The following CSMD1 variants were observed in gnomAD, a reference collection of about 807,000 sequenced individuals.
The protein encoded by CSMD1 is CUB and sushi domain-containing protein 1.
Under a neutral mutation model 417.5 loss-of-function variants are expected in CSMD1, and 213 were observed. The observed-to-expected ratio is 0.51, with a 90% CI of 0.46 to 0.57. The LOEUF is 0.57. Ranked by LOEUF, CSMD1 falls within the 20% of genes least tolerant of loss-of-function variation. The probability of loss-of-function intolerance (pLI) is 0.00; values close to 1 mark genes in which losing one functional copy is unlikely to be tolerated. For missense variants in CSMD1, 6,923 were observed against 4,529.7 expected, an observed-to-expected ratio of 1.53 and a Z score of -15.17; for synonymous variants, 2,862 against 1,736.8, an observed-to-expected ratio of 1.65 and a Z score of -16.11.
intron 3 of CSMD1, among the ~76,000 whole-genome samples, chr8:4,395,166 G>C (rs1445069969): frequency 6.6e-6 from 1 of 152,120 alleles, no homozygotes; most frequent in Non-Finnish European, 1.5e-5. Flanking sequence ...CACTCCCTTA[G>C]AACAACCCCT....
chr8:4,626,962 G>C (rs147614388), intron 2 of CSMD1, among the ~76,000 whole-genome samples: 4 of 152,092 alleles, frequency 2.6e-5, no homozygotes, highest in Non-Finnish European at 5.9e-5. Flanking sequence ...AAAGGGATAC[G>C]TAAGTAGGTG....
chr8:4,025,443 A>G (rs543336886), intron 4 of CSMD1, among the ~76,000 whole-genome samples: 2 of 152,238 alleles, frequency 1.3e-5, no homozygotes, highest in Non-Finnish European at 2.9e-5. Context: ...TTATGAATCA[A>G]TAATAAAGTA....
At chr8:3,232,668 C>A (rs76407247) in intron 26 of CSMD1, among the ~76,000 whole-genome samples, 1 of 152,082 alleles carries the variant, frequency 6.6e-6, no homozygotes, top group Non-Finnish European at 1.5e-5. Context: ...CCAGAATTGT[C>A]TTTTAATTGG....
chr8:3,189,760 G>A (rs555250807), intron 34 of CSMD1, among the ~76,000 whole-genome samples, 152 bp downstream of exon 34: 1 of 137,450 alleles, frequency 7.3e-6, no homozygotes, highest in South Asian at 2.2e-4. Flanking sequence ...TTAGGGTTTG[G>A]CTACTAACTC....
At chr8:3,722,835 T>G (rs2623759) in intron 6 of CSMD1, among the ~76,000 whole-genome samples, 146,616 of 152,276 alleles carry the variant, frequency 0.96, 70,820 homozygotes, top group East Asian at 1. Context: ...AAAAATATGT[T>G]TGAGATTCCC....
At chr8:4,884,849 T>A (rs960408342) in intron 1 of CSMD1, among the ~76,000 whole-genome samples, 1 of 151,920 alleles carries the variant, frequency 6.6e-6, no homozygotes, top group Non-Finnish European at 1.5e-5. Context: ...TATTTGGGGT[T>A]CTCTTGAATT....
intron 10 of CSMD1, among the ~76,000 whole-genome samples, chr8:3,529,256 C>A (rs889556173): frequency 1.3e-5 from 2 of 152,184 alleles, no homozygotes; most frequent in Non-Finnish European, 2.9e-5. Flanking sequence ...TATTTCAATG[C>A]AAGTTCTTTT....
intron 3 of CSMD1, among the ~76,000 whole-genome samples, chr8:4,113,874 G>A (rs762662691): frequency 2.6e-5 from 4 of 152,182 alleles, no homozygotes; most frequent in Non-Finnish European, 4.4e-5. Context: ...TATGAAGGCT[G>A]AGAGAGGTAA....
intron 1 of CSMD1, among the ~76,000 whole-genome samples, chr8:4,774,611 G>A (rs542787369): frequency 5.3e-5 from 8 of 152,106 alleles, no homozygotes; most frequent in Non-Finnish European, 1.2e-4. Context: ...CAACTGATGT[G>A]GTTTGGATCC....
At chr8:4,435,763 C>T (rs1342390626) in intron 2 of CSMD1, among the ~76,000 whole-genome samples, 1 of 152,130 alleles carries the variant, frequency 6.6e-6, no homozygotes, top group Non-Finnish European at 1.5e-5. Context: ...ATAAAAAGTA[C>T]CATACCTTTG....
intron 54 of CSMD1, among the ~76,000 whole-genome samples, chr8:2,997,347 A>T (rs955972825): frequency 1.3e-5 from 2 of 152,238 alleles, no homozygotes; most frequent in Admixed American, 6.5e-5. Flanking sequence ...TTATTTGAAG[A>T]TAGCTCCCGT....
chr8:4,518,123 T>C (rs1803224022), intron 2 of CSMD1, among the ~76,000 whole-genome samples: 1 of 152,200 alleles, frequency 6.6e-6, no homozygotes, highest in Non-Finnish European at 1.5e-5. Context: ...AATTACAGTA[T>C]TATGTTTTTA....
chr8:3,551,954 A>G (rs1251370846), intron 10 of CSMD1, among the ~76,000 whole-genome samples: 1 of 152,188 alleles, frequency 6.6e-6, no homozygotes. Context: ...TGAGGCTGCC[A>G]CTGTGGGAGC....
At chr8:3,635,352 T>G (rs904646604) in intron 7 of CSMD1, among the ~76,000 whole-genome samples, 9 of 151,946 alleles carry the variant, frequency 5.9e-5, no homozygotes, top group Admixed American at 5.9e-4. Flanking sequence ...TGCACACCTG[T>G]AATCCCAGCT....
intron 1 of CSMD1, among the ~76,000 whole-genome samples, chr8:4,727,807 G>C (rs1316172274): frequency 1.3e-5 from 2 of 150,360 alleles, no homozygotes; most frequent in African/African-American, 4.9e-5. Context: ...TATATGTTTG[G>C]TACATGTATA....
At chr8:3,293,821 C>T (rs980675468) in intron 25 of CSMD1, among the ~76,000 whole-genome samples, 10 of 152,200 alleles carry the variant, frequency 6.6e-5, no homozygotes, top group Non-Finnish European at 1.0e-4. Flanking sequence ...GCCTTCTTCT[C>T]TCAACTTGTC....
chr8:3,534,759 T>A (rs1407072316), intron 10 of CSMD1, among the ~76,000 whole-genome samples: 3 of 152,336 alleles, frequency 2.0e-5, no homozygotes, highest in African/African-American at 7.2e-5. Flanking sequence ...GCATATGGCA[T>A]CTTAAAGCTA....
chr8:3,189,073 C>A, intron 34 of CSMD1, 62 bp from the exon 35 acceptor site: 1 of 1,484,868 alleles, frequency 6.7e-7, no homozygotes, highest in Non-Finnish European at 9.1e-7. Context: ...ATTTGGCATG[C>A]AGTTTTCTTT....
intron 5 of CSMD1, among the ~76,000 whole-genome samples, chr8:3,935,074 A>G (rs911711628): frequency 6.6e-6 from 1 of 152,128 alleles, no homozygotes; most frequent in Non-Finnish European, 1.5e-5. Context: ...CATAACTACA[A>G]TATGCTTACA....
Sources: allele counts gnomAD v4.1 joint callset (sites outside exome capture counted in the v4.1 genomes callset), GRCh38; gene constraint gnomAD v4.1.1; transcripts MANE v1.5; gene names NCBI Gene and HGNC (gene_info 2026-07-23, HGNC 2026-07-21).